The following HIVEP2 variants were observed in gnomAD, a reference collection of about 807,000 sequenced individuals.
The protein encoded by HIVEP2 is HIVEP zinc finger 2, also known as transcription factor HIVEP2.
Under a neutral mutation model 180.7 loss-of-function variants are expected in HIVEP2, and 14 were observed. The ratio of observed to expected loss-of-function variants is 0.08; its 90% CI spans 0.05 to 0.12. The LOEUF (loss-of-function observed/expected upper bound fraction) is 0.12, where lower values mean the gene tolerates loss of function less well. Ranked by LOEUF, HIVEP2 falls within the 10% of genes least tolerant of loss-of-function variation. HIVEP2 has a pLI of 1.00. For synonymous variants in HIVEP2, 1,184 were observed against 1,136.4 expected, an observed-to-expected ratio of 1.04 and a Z score of -0.84; for missense variants, 2,579 against 3,008.5, an observed-to-expected ratio of 0.86 and a Z score of 3.34.
chr6:142,803,500 C>T (rs2114768034), intron 2 of HIVEP2, among the ~76,000 whole-genome samples: 1 of 151,544 alleles, frequency 6.6e-6, no homozygotes, highest in South Asian at 2.1e-4. Flanking sequence ...CAACTGCTGT[C>T]TGCATCTTTC....
At chr6:142,917,764 C>G (rs768951079) in intron 1 of HIVEP2, among the ~76,000 whole-genome samples, 3 of 152,022 alleles carry the variant, frequency 2.0e-5, no homozygotes, top group Non-Finnish European at 4.4e-5. Context: ...TTCTCAAAAT[C>G]ATAATATGCT....
At chr6:142,798,134 G>A (rs1189084237) in intron 2 of HIVEP2, among the ~76,000 whole-genome samples, 1 of 151,954 alleles carries the variant, frequency 6.6e-6, no homozygotes, top group Admixed American at 6.6e-5. Context: ...ACCATGAGTG[G>A]AGACAGCCTG....
intron 1 of HIVEP2, among the ~76,000 whole-genome samples, chr6:142,845,396 C>A (rs1775482147): frequency 6.6e-6 from 1 of 152,106 alleles, no homozygotes; most frequent in Non-Finnish European, 1.5e-5. Flanking sequence ...TAAGTTCTCT[C>A]TCCCTCCCTC....
Position 142,909,723 on chromosome 6 carries a change from C to G in HIVEP2, c.-641+35376G>C, listed in dbSNP as rs551454326. Among the ~76,000 whole-genome samples the G allele has an allele frequency of 5.3e-5, 8 of 152,266 alleles. No homozygotes were observed. In the South Asian group the frequency reaches 1.7e-3, roughly 32 times the overall value. On this transcript the variant is annotated intron_variant, in intron 1 of 9. Transcript: ENST00000367603. The stretch of plus-strand genomic sequence containing the variant: ...TACTTAGGGAGCCTCTTCTATGAGT[C>G]AAGTACAACATTAAGTCCTGGAGAT...
Position 142,773,438 on chromosome 6 carries a change from G to A in HIVEP2, c.1301C>T (p.Pro434Leu), listed in dbSNP as rs779173920. 15 of 1,614,144 alleles carry A rather than the reference G, an allele frequency of 9.3e-6. No individual in the cohort carries two copies. Among genetic ancestry groups the A allele is most frequent in the Admixed American group, 1.7e-5 (1 of 60,022 alleles). Reference protein sequence around the residue: ...IIFGKYCRLSPRNALSVTTTS... With the variant: ...IIFGKYCRLSLRNALSVTTTS... ...GGTTGTAACACTGAGTGCATTTCTC[G>A]GACTAAGCCGACAGTATTTTCCAAA... The change falls in exon 5 of 10, where the codon CCG (proline) becomes CTG (leucine). Residue 434 changes from proline (P) to leucine (L), a missense_variant. Around this residue, in one of 11 missense-constraint regions of HIVEP2, gnomAD observed 524 missense variants for 563.6 expected, o/e 0.93. Transcript: ENST00000367603.
At chr6:142,922,130 C>T (rs2128434805) in intron 1 of HIVEP2, among the ~76,000 whole-genome samples, 1 of 152,282 alleles carries the variant, frequency 6.6e-6, no homozygotes. Flanking sequence ...CCCACTTGTC[C>T]TTTAAACTTC....
At chr6:142,880,378 C>T (rs1268480159) in intron 1 of HIVEP2, among the ~76,000 whole-genome samples, 1 of 152,136 alleles carries the variant, frequency 6.6e-6, no homozygotes, top group Non-Finnish European at 1.5e-5. Context: ...GAACAAAGGT[C>T]AGAGAGGAAT....
intron 1 of HIVEP2, among the ~76,000 whole-genome samples, chr6:142,866,481 T>C (rs780714933): frequency 6.6e-6 from 1 of 152,072 alleles, no homozygotes; most frequent in South Asian, 2.1e-4. Flanking sequence ...GCTGTGAAAT[T>C]TTCTTGTAGC....
chr6:142,785,764 G>A (rs1019467998), intron 2 of HIVEP2, among the ~76,000 whole-genome samples: 5 of 152,172 alleles, frequency 3.3e-5, no homozygotes, highest in African/African-American at 1.2e-4. Flanking sequence ...GATTACAGAA[G>A]AGCCCCCTTT....
At chr6:142,793,622 C>CTCTTTCTTTCTTTCTTTCTTTCTT (rs753217978) in intron 2 of HIVEP2, among the ~76,000 whole-genome samples, 19 of 50,298 alleles carry the variant, frequency 3.8e-4, no homozygotes, top group South Asian at 1.6e-3. Context: ...ATCCTTCCTT[C>CTCTTTCTTTCTTTCTTTCTTTCTT]TCTTTCTTTC....
chr6:142,841,239 A>G (rs1367256960), intron 1 of HIVEP2, among the ~76,000 whole-genome samples: 1 of 152,176 alleles, frequency 6.6e-6, no homozygotes, highest in African/African-American at 2.4e-5. Context: ...CAAATTATCC[A>G]TAATACTATT....
intron 7 of HIVEP2, among the ~76,000 whole-genome samples, chr6:142,763,462 G>A (rs1301237367): frequency 1.3e-5 from 2 of 152,164 alleles, no homozygotes; most frequent in African/African-American, 4.8e-5. Flanking sequence ...AGGGTGACAA[G>A]GAAACTCCAA....
At chr6:142,780,360 A>C (rs1775825112) in intron 3 of HIVEP2, among the ~76,000 whole-genome samples, 1 of 152,196 alleles carries the variant, frequency 6.6e-6, no homozygotes, top group Admixed American at 6.5e-5. Flanking sequence ...CTTCAGTGAA[A>C]GGCTTATTAG....
intron 7 of HIVEP2, 110 bp downstream of exon 7, chr6:142,764,683 ATATTTT>A (rs1253872683): frequency 2.4e-5 from 19 of 804,610 alleles, no homozygotes; most frequent in African/African-American, 3.5e-5. Flanking sequence ...TCGTGGAATC[ATATTTT>A]CACAAACAAA....
chr6:142,814,608 G>A (rs1194910850), intron 2 of HIVEP2, among the ~76,000 whole-genome samples: 1 of 152,148 alleles, frequency 6.6e-6, no homozygotes, highest in African/African-American at 2.4e-5. Context: ...AGTGAAGGGT[G>A]AGTCCAAGGT....
intron 2 of HIVEP2, among the ~76,000 whole-genome samples, chr6:142,815,556 G>A (rs1341876688): frequency 6.6e-6 from 1 of 152,110 alleles, no homozygotes; most frequent in African/African-American, 2.4e-5. Context: ...AAAAGGTAAA[G>A]AACTTGACAT....
upstream of HIVEP2, among the ~76,000 whole-genome samples, chr6:142,945,449 C>A (rs1178770799): frequency 1.3e-5 from 2 of 152,036 alleles, no homozygotes; most frequent in Non-Finnish European, 2.9e-5. This position sits in a 1 kb window ranked among gnomAD's most constrained non-coding sequence, Gnocchi z 5.5. Context: ...AAGCTCCCAG[C>A]GCCGAAGGAG....
At chr6:142,859,834 C>CAAAAA (rs56853043) in intron 1 of HIVEP2, among the ~76,000 whole-genome samples, 11 of 73,604 alleles carry the variant, frequency 1.5e-4, no homozygotes, top group Admixed American at 1.7e-4. Flanking sequence ...AACTCCGTCT[C>CAAAAA]AAAAAAAAAA....
At chr6:142,936,019 G>T (rs1019289027) in intron 1 of HIVEP2, among the ~76,000 whole-genome samples, 1 of 151,814 alleles carries the variant, frequency 6.6e-6, no homozygotes, top group Non-Finnish European at 1.5e-5. Flanking sequence ...GGACTGAGGC[G>T]GGAGATCATT....
Sources: gnomAD v4.1 joint callset for allele counts (sites outside exome capture counted in the v4.1 genomes callset) on GRCh38, gnomAD v4.1.1 for gene constraint, gnomAD v4.1.1 regional missense constraint, Gnocchi (gnomAD v3.1) non-coding constraint, MANE v1.5 for transcripts, NCBI Gene and HGNC (gene_info 2026-07-23, HGNC 2026-07-21) for gene names.